Variants in DUSP16 observed in about 807,000 individuals in gnomAD.
The protein encoded by DUSP16 is dual specificity protein phosphatase 16.
DUSP16 carries 21 observed loss-of-function variants against 58.3 expected under a neutral mutation model. That is an observed-to-expected ratio of 0.36 (90% CI 0.26 to 0.52). The LOEUF (loss-of-function observed/expected upper bound fraction) is 0.52. Ranked by LOEUF, DUSP16 falls within the 20% of genes least tolerant of loss-of-function variation. The pLI is 0.94. For synonymous variants in DUSP16, 320 were observed against 323.8 expected (o/e 0.99, Z 0.12); for missense variants, 726 against 819.0 (o/e 0.89, Z 1.39).
chr12:12,494,666 C>T (rs1029842239), intron 4 of DUSP16, among the ~76,000 whole-genome samples: 28 of 152,020 alleles, frequency 1.8e-4, no homozygotes, highest in Non-Finnish European at 3.7e-4. Flanking sequence ...AGACCAAGGA[C>T]AGGACAGAAA....
chr12:12,561,508 G>C (rs929647027), intron 1 of DUSP16, among the ~76,000 whole-genome samples: 2 of 152,196 alleles, frequency 1.3e-5, no homozygotes, highest in African/African-American at 4.8e-5. Flanking sequence ...TTTGCAGCTA[G>C]TGTAAATAAA....
chr12:12,529,666 C>A (rs1944357839), intron 1 of DUSP16, among the ~76,000 whole-genome samples: 1 of 152,162 alleles, frequency 6.6e-6, no homozygotes, highest in Admixed American at 6.5e-5. Context: ...TTTACTTTCA[C>A]CAACATCTCC....
Position 12,477,169 on chromosome 12 carries a change from G to A in DUSP16, c.1662C>T (p.Thr554=), listed in dbSNP as rs758166422. The change falls in exon 7 of 7, where the codon ACC becomes ACT. Residue 554 remains threonine, a synonymous_variant. Transcript: ENST00000298573. This position sits in a 1 kb window ranked among gnomAD's most constrained non-coding sequence, Gnocchi z 4.1. ...ACTCTGTGGCAAAATACCAGCTGCT[G>A]GTCAGGGAAGGGGTAGAGGTCTGGG... ...LAPQTSTPSL[T]SSWYFATESS... The A allele has an allele frequency of 6.2e-7, 1 of 1,614,232 alleles. No homozygotes were observed. Among genetic ancestry groups the A allele is most frequent in the Non-Finnish European group, 8.5e-7 (1 of 1,180,046 alleles).
At chr12:12,499,263 T>A (rs1463678861) in intron 4 of DUSP16, among the ~76,000 whole-genome samples, 2 of 152,236 alleles carry the variant, frequency 1.3e-5, no homozygotes, top group Non-Finnish European at 2.9e-5. Context: ...GCCCTAGGAA[T>A]GCATGGGACT....
At chr12:12,508,448 T>C (rs1263342318) in intron 3 of DUSP16, among the ~76,000 whole-genome samples, 1 of 152,104 alleles carries the variant, frequency 6.6e-6, no homozygotes, top group African/African-American at 2.4e-5. Context: ...TTTGGTAAAT[T>C]ACTCCTAGGA....
chr12:12,533,021 C>T (rs1204086300), intron 1 of DUSP16, among the ~76,000 whole-genome samples: 2 of 149,810 alleles, frequency 1.3e-5, no homozygotes, highest in East Asian at 3.9e-4. Context: ...AAGGTAAAAG[C>T]TGAAATGGAT....
rs545585556 is a variant in DUSP16, at chr12:12,474,313, C to T, written c.*2520G>A. The T allele has an allele frequency of 6.6e-6, 1 of 152,142 alleles. No homozygotes were observed. The highest frequency in any genetic ancestry group is 1.9e-4 in the East Asian group (1 of 5,200). 9.4% of individuals were successfully genotyped at this position (152,142 alleles called of 1,614,324 possible). A position where few individuals can be genotyped will look rare whatever the true frequency, so the allele number is the denominator to read the frequency against. On this transcript the variant is annotated 3_prime_UTR_variant, in exon 7 of 7. Transcript: ENST00000298573. Reference sequence around the variant, plus strand: ...CAAAATGAGAAATGCACAGTTTAACCGTTCAACAGCTGGCCTTACTTCAAA... The same window carrying T: ...CAAAATGAGAAATGCACAGTTTAACTGTTCAACAGCTGGCCTTACTTCAAA...
intron 3 of DUSP16, among the ~76,000 whole-genome samples, chr12:12,510,042 T>A (rs2136222191): frequency 6.6e-6 from 1 of 152,300 alleles, no homozygotes; most frequent in East Asian, 1.9e-4. Flanking sequence ...TTCTGCTGTA[T>A]CCACAGGACT....
rs140289494 is a variant in DUSP16, at chr12:12,497,877, G to A, written c.531+2642C>T. 6.9e-3 allele frequency among the ~76,000 whole-genome samples: 1,046 copies of A among 152,180 alleles called. 9 individuals carry two copies. Among genetic ancestry groups the A allele is most frequent in the African/African-American group, 0.024 (1,011 of 41,524 alleles). On this transcript the variant is annotated intron_variant, in intron 4 of 6. Transcript: ENST00000298573. ...CTCAGCTACTCGGGAGGCTGAGGCA[G>A]GAGAATTGCTTGAACACGGGAGGGG...
intron 1 of DUSP16, among the ~76,000 whole-genome samples, chr12:12,528,342 T>C (rs1014006289): frequency 6.6e-6 from 1 of 152,088 alleles, no homozygotes. Flanking sequence ...GAGGTGGTCT[T>C]GGGAGGGTAG....
chr12:12,531,651 ACT>A (rs1194395591), intron 1 of DUSP16, among the ~76,000 whole-genome samples: 2 of 151,944 alleles, frequency 1.3e-5, no homozygotes, highest in African/African-American at 2.4e-5. Flanking sequence ...TGGGTGGATC[ACT>A]TGAGGTCAGG....
rs1431963422 is a variant in DUSP16, at chr12:12,475,509, C to T, written c.*1324G>A. ...AACAGCTTGGCCATGGCTTTGCACT[C>T]TATTCACAACTGATCAAAACTCAAT... is the stretch of plus-strand genomic sequence containing the variant. On this transcript the variant is annotated 3_prime_UTR_variant, in exon 7 of 7. Coordinates refer to ENST00000298573, the MANE Select transcript of DUSP16 (RefSeq NM_030640.3). 2.0e-5 allele frequency: 3 copies of T among 152,230 alleles called. No individual in the cohort carries two copies. Among genetic ancestry groups the T allele is most frequent in the Non-Finnish European group, 4.4e-5 (3 of 68,048 alleles). 9.4% of individuals were successfully genotyped at this position (152,230 alleles called of 1,614,324 possible).
At chr12:12,495,004 C>T (rs1157453517) in intron 4 of DUSP16, among the ~76,000 whole-genome samples, 1 of 152,126 alleles carries the variant, frequency 6.6e-6, no homozygotes, top group Non-Finnish European at 1.5e-5. Flanking sequence ...CAGCGCATTA[C>T]CACTCATCGC....
chr12:12,506,164 C>T (rs781568153), intron 3 of DUSP16: 1 of 152,238 alleles, frequency 6.6e-6, no homozygotes, highest in Non-Finnish European at 1.5e-5. Flanking sequence ...TGCCTGATTT[C>T]CCTTGGACCT....
chr12:12,544,968 T>C (rs1944620368), intron 1 of DUSP16, among the ~76,000 whole-genome samples: 1 of 152,226 alleles, frequency 6.6e-6, no homozygotes, highest in Non-Finnish European at 1.5e-5. Context: ...GGCTCTATTC[T>C]GTTCCATTAT....
chr12:12,545,483 T>A (rs949110150), intron 1 of DUSP16, among the ~76,000 whole-genome samples: 6 of 150,442 alleles, frequency 4.0e-5, no homozygotes, highest in Non-Finnish European at 8.9e-5. Context: ...GGTTTCACCA[T>A]GTTTACCAGG....
At chr12:12,502,260 C>T (rs1364211921) in intron 3 of DUSP16, among the ~76,000 whole-genome samples, 43 of 152,214 alleles carry the variant, frequency 2.8e-4, no homozygotes, top group Admixed American at 2.6e-3. Flanking sequence ...TTCAGCCAGA[C>T]GCCTGTCTCT....
At chr12:12,513,381 G>C (rs566542717) in intron 3 of DUSP16, among the ~76,000 whole-genome samples, 1 of 152,106 alleles carries the variant, frequency 6.6e-6, no homozygotes, top group African/African-American at 2.4e-5. Flanking sequence ...TTCTCAAAAA[G>C]ACTGAGAAAG....
intron 1 of DUSP16, among the ~76,000 whole-genome samples, chr12:12,549,266 T>C (rs1433453900): frequency 6.6e-6 from 1 of 152,126 alleles, no homozygotes; most frequent in Non-Finnish European, 1.5e-5. Context: ...GGAATACTGG[T>C]AAGTTGCTAA....
Sources: gnomAD v4.1 joint callset for allele counts (sites outside exome capture counted in the v4.1 genomes callset) on GRCh38, gnomAD v4.1.1 for gene constraint, Gnocchi (gnomAD v3.1) non-coding constraint, MANE v1.5 for transcripts, NCBI Gene and HGNC (gene_info 2026-07-23, HGNC 2026-07-21) for gene names.